VAT1L: variants seen among roughly 807,000 people sequenced by gnomAD.
VAT1L encodes the protein putative NADPH-dependent quinone oxidoreductase VAT1L.
A neutral mutation model predicts 44.1 loss-of-function variants in VAT1L; 34 were observed. That is an observed-to-expected ratio of 0.77 (90% CI 0.59 to 1.03). The LOEUF (loss-of-function observed/expected upper bound fraction) is 1.03, where lower values mean the gene tolerates loss of function less well. VAT1L is among the 50% of genes least tolerant of loss of function. The pLI is 0.00. For missense variants in VAT1L, 615 were observed against 538.8 expected, an observed-to-expected ratio of 1.14 and a Z score of -1.40; for synonymous variants, 253 against 202.2, an observed-to-expected ratio of 1.25 and a Z score of -2.13.
chr16:77,936,289 C>A (rs954005793), intron 7 of VAT1L, among the ~76,000 whole-genome samples: 1 of 152,190 alleles, frequency 6.6e-6, no homozygotes, highest in South Asian at 2.1e-4. Context: ...CCCTCTGGGA[C>A]AATTTTCCAC....
chr16:77,803,900 G>A (rs1039695190), intron 1 of VAT1L, among the ~76,000 whole-genome samples: 3 of 152,148 alleles, frequency 2.0e-5, no homozygotes, highest in African/African-American at 7.2e-5. Flanking sequence ...GAGAGAACAG[G>A]AACAAGGGGC....
chr16:77,809,460 T>G (rs1261965834), intron 1 of VAT1L, among the ~76,000 whole-genome samples: 1 of 11,832 alleles, frequency 8.5e-5, no homozygotes, highest in Non-Finnish European at 2.7e-4. Flanking sequence ...TTTTTTGATC[T>G]TTTTTTTTTC....
chr16:77,955,395 C>G (rs375467270), intron 7 of VAT1L, among the ~76,000 whole-genome samples: 45 of 152,176 alleles, frequency 3.0e-4, no homozygotes, highest in African/African-American at 1.0e-3. Flanking sequence ...TTATCTGGGC[C>G]AAAATGCCAA....
chr16:77,788,832 CG>C lies in VAT1L; in HGVS notation c.156del (p.Leu53SerfsTer28), dbSNP rs765360976. 5.1e-6 allele frequency: 8 copies of C among 1,579,434 alleles called. No homozygotes were observed. The highest frequency in any genetic ancestry group is 2.7e-5 in the African/African-American group (2 of 74,274). On this transcript the variant is annotated frameshift_variant, in exon 1 of 9. Coordinates refer to ENST00000302536, the MANE Select transcript of VAT1L (RefSeq NM_020927.3). LOFTEE classifies it high-confidence loss of function. ...TGCGCGCGGTGGTGCTGGCTGGCTT[CG>C]GGGGGCTCAACAAGCTGCGGCTCTT... ...EMRAVVLAGFGGLNKLRLFRK... is the reference protein window; with the variant it reads ...EMRAVVLAGFXGLNKLRLFRK...
intron 7 of VAT1L, among the ~76,000 whole-genome samples, chr16:77,946,266 T>C (rs2017961720): frequency 7.0e-6 from 1 of 142,236 alleles, no homozygotes; most frequent in Non-Finnish European, 1.5e-5. Context: ...TCTGGACATC[T>C]AGGTTACTTG....
At chr16:77,814,671 A>T (rs192321948) in intron 1 of VAT1L, among the ~76,000 whole-genome samples, 1 of 152,238 alleles carries the variant, frequency 6.6e-6, no homozygotes, top group Non-Finnish European at 1.5e-5. Flanking sequence ...ATGAGCTAAA[A>T]TATACATGAA....
chr16:77,799,064 G>A (rs539342822), intron 1 of VAT1L, among the ~76,000 whole-genome samples: 4 of 147,302 alleles, frequency 2.7e-5, no homozygotes, highest in African/African-American at 1.0e-4. Context: ...ATTAGCTGCA[G>A]CTGCCGTGTG....
rs560671208 is a variant in VAT1L, at chr16:77,827,481, C to T, written c.579+2020C>T. 6.6e-5 allele frequency among the ~76,000 whole-genome samples: 10 copies of T among 152,284 alleles called. No individual in the cohort carries two copies. The South Asian group carries it at 1.2e-3, about 19-fold the overall frequency. On this transcript the variant is annotated intron_variant, in intron 3 of 8. Coordinates refer to ENST00000302536, the MANE Select transcript of VAT1L (RefSeq NM_020927.3). ...TTGGAAAATAAAAAGAAGTTTTTAT[C>T]GTGCTCTATTCTGGGCTTACAGATG...
At chr16:77,902,679 AGCATGGTG>A (rs1249557296) in intron 7 of VAT1L, among the ~76,000 whole-genome samples, 1 of 124,612 alleles carries the variant, frequency 8.0e-6, no homozygotes, top group African/African-American at 3.0e-5. Flanking sequence ...AAAAAGGCCG[AGCATGGTG>A]GCTGATGCCT....
intron 2 of VAT1L, among the ~76,000 whole-genome samples, chr16:77,821,568 C>A (rs148673378): frequency 6.6e-6 from 1 of 152,142 alleles, no homozygotes; most frequent in African/African-American, 2.4e-5. Flanking sequence ...GCTGGGATTA[C>A]AGGCATGAGC....
intron 1 of VAT1L, among the ~76,000 whole-genome samples, chr16:77,802,210 G>C (rs1488904217): frequency 6.6e-6 from 1 of 152,132 alleles, no homozygotes; most frequent in Non-Finnish European, 1.5e-5. Context: ...CCTTTTCCTA[G>C]TCATCTTTTT....
At chr16:77,942,489 A>G (rs1677302) in intron 7 of VAT1L, among the ~76,000 whole-genome samples, 152,174 of 152,282 alleles carry the variant, frequency 1, 76,033 homozygotes, top group Middle Eastern at 1. Flanking sequence ...GAATTCTTTG[A>G]ATATATACAC....
chr16:77,946,276 G>GTTTTTTTTTTTTTTTTTTT (rs1597114758), intron 7 of VAT1L, among the ~76,000 whole-genome samples: 1 of 33,860 alleles, frequency 3.0e-5, no homozygotes, highest in Non-Finnish European at 5.7e-5. Flanking sequence ...TAGGTTACTT[G>GTTTTTTTTTTTTTTTTTTT]TTCTTTTTTT....
chr16:77,828,701 G>A (rs2016549527), intron 3 of VAT1L, among the ~76,000 whole-genome samples: 1 of 151,988 alleles, frequency 6.6e-6, no homozygotes, highest in African/African-American at 2.4e-5. Context: ...AGGTGGGAGT[G>A]GGAAGTAGAA....
chr16:77,868,651 C>G (rs1286068309), intron 4 of VAT1L, among the ~76,000 whole-genome samples: 1 of 152,178 alleles, frequency 6.6e-6, no homozygotes, highest in Non-Finnish European at 1.5e-5. Context: ...CACACTGACT[C>G]TCACAAAGGA....
chr16:77,855,946 A>G (rs553279408), intron 3 of VAT1L, among the ~76,000 whole-genome samples: 1 of 152,278 alleles, frequency 6.6e-6, no homozygotes, highest in East Asian at 1.9e-4. Flanking sequence ...TGAACACAGG[A>G]GGTGGAGGTT....
At chr16:77,863,289 C>T (rs368141788) in intron 4 of VAT1L, among the ~76,000 whole-genome samples, 24 of 152,286 alleles carry the variant, frequency 1.6e-4, no homozygotes, top group Middle Eastern at 3.4e-3. Context: ...TCTAAAGGTC[C>T]TTTGCTTCTA....
At chr16:77,914,640 A>G (rs968263415) in intron 7 of VAT1L, among the ~76,000 whole-genome samples, 44 of 152,240 alleles carry the variant, frequency 2.9e-4, no homozygotes, top group Non-Finnish European at 5.9e-5. Context: ...GAGTGTTACC[A>G]TAGATCAGTT....
At chr16:77,929,224 T>G (rs1261823617) in intron 7 of VAT1L, among the ~76,000 whole-genome samples, 1 of 152,216 alleles carries the variant, frequency 6.6e-6, no homozygotes, top group East Asian at 1.9e-4. Flanking sequence ...CTCCAGAAAT[T>G]CCCCCTCTCC....
Sources: allele counts gnomAD v4.1 joint callset (sites outside exome capture counted in the v4.1 genomes callset), GRCh38; gene constraint gnomAD v4.1.1; transcripts MANE v1.5; gene names NCBI Gene and HGNC (gene_info 2026-07-23, HGNC 2026-07-21).